C2orf76: variants seen among roughly 807,000 people sequenced by gnomAD.
C2orf76 encodes the protein chromosome 2 open reading frame 76.
A neutral mutation model predicts 16.9 loss-of-function variants in C2orf76; 23 were observed. That is an observed-to-expected ratio of 1.36 (90% CI 0.98 to 1.93). The LOEUF (loss-of-function observed/expected upper bound fraction) is 1.93, where lower values mean the gene tolerates loss of function less well. C2orf76 is among the 30% of genes most tolerant of loss of function. C2orf76 has a pLI of 0.00. For missense variants in C2orf76, 152 were observed against 152.6 expected, an observed-to-expected ratio of 1.00 and a Z score of 0.02; for synonymous variants, 48 against 52.3, an observed-to-expected ratio of 0.92 and a Z score of 0.35.
chr2:119,291,912 C>T, the C2orf76 span, among the ~76,000 whole-genome samples: 4,091 of 152,146 alleles, frequency 0.027, 192 homozygotes, highest in African/African-American at 0.092. Context: ...TCAGTGTTAT[C>T]ATCCCCACTT....
the C2orf76 span, among the ~76,000 whole-genome samples, chr2:119,288,459 C>A: frequency 2.6e-5 from 4 of 152,112 alleles, 1 homozygote; most frequent in Admixed American, 2.6e-4. Context: ...AGAGAGCAAG[C>A]AAGCAGATTT....
At chr2:119,361,733 G>A (rs1201096238) in intron 1 of C2orf76, among the ~76,000 whole-genome samples, 3 of 152,028 alleles carry the variant, frequency 2.0e-5, no homozygotes, top group Non-Finnish European at 4.4e-5. Flanking sequence ...ACATATATAG[G>A]GTTCAGGCCT....
intron 5 of C2orf76, chr2:119,311,206 G>A (rs1017980353): frequency 9.7e-5 from 96 of 985,210 alleles, no homozygotes; most frequent in Non-Finnish European, 1.1e-4. Context: ...TGAGTGATTC[G>A]GAAGACTATC....
the C2orf76 span, among the ~76,000 whole-genome samples, chr2:119,286,224 C>CA: frequency 0.026 from 1,542 of 59,602 alleles, 38 homozygotes; most frequent in Non-Finnish European, 0.036. Context: ...GACTCCATCT[C>CA]AAAAAAAAAA....
At chr2:119,351,649 G>A (rs1680410093) in intron 1 of C2orf76, among the ~76,000 whole-genome samples, 2 of 152,122 alleles carry the variant, frequency 1.3e-5, no homozygotes, top group Admixed American at 6.5e-5. Context: ...AGCTACTCAG[G>A]AGGCTGAGGT....
chr2:119,309,842 CT>C (rs1227080530), intron 5 of C2orf76, among the ~76,000 whole-genome samples: 1 of 152,154 alleles, frequency 6.6e-6, no homozygotes, highest in African/African-American at 2.4e-5. Context: ...ACTTCTCCCC[CT>C]TTATGGCTTC....
the C2orf76 span, among the ~76,000 whole-genome samples, chr2:119,294,730 G>A: frequency 6.6e-6 from 1 of 152,250 alleles, no homozygotes; most frequent in Non-Finnish European, 1.5e-5. Context: ...GCAGCGTGAG[G>A]ACCTGACTGC....
At chr2:119,323,938 G>A (rs1176950440) in intron 2 of C2orf76, among the ~76,000 whole-genome samples, 2 of 152,184 alleles carry the variant, frequency 1.3e-5, no homozygotes, top group African/African-American at 2.4e-5. Context: ...CTGGAGGCAG[G>A]ATTTGCCTGC....
chr2:119,292,190 T>G, the C2orf76 span, among the ~76,000 whole-genome samples: 1 of 152,142 alleles, frequency 6.6e-6, no homozygotes, highest in Non-Finnish European at 1.5e-5. Flanking sequence ...ACAAGCAACT[T>G]TGCTTTAAGG....
chr2:119,338,105 C>G (rs980241170), intron 2 of C2orf76, among the ~76,000 whole-genome samples: 6 of 152,206 alleles, frequency 3.9e-5, no homozygotes, highest in Non-Finnish European at 7.3e-5. Context: ...AATGACCTTT[C>G]AAAAGCAGGA....
rs1679964696 is a variant in C2orf76 at position 119,339,750 on chromosome 2, T to A, written c.133+77A>T. The A allele has an allele frequency of 3.5e-6, 5 of 1,422,570 alleles. No individual in the cohort carries two copies. The South Asian group carries it at 5.2e-5, about 15-fold the overall frequency. 88.1% of individuals were successfully genotyped at this position (1,422,570 alleles called of 1,614,324 possible). On this transcript the variant is annotated intron_variant, in intron 2 of 5. Coordinates refer to ENST00000334816, the MANE Select transcript of C2orf76 (RefSeq NM_001322331.2). ...TCTTTCAAAGTACTTTAGGATTTGT[T>A]AAAGATTATTATTAATGTCATAGTC...
intron 3 of C2orf76, among the ~76,000 whole-genome samples, chr2:119,320,464 C>A (rs1258081946): frequency 6.6e-6 from 1 of 152,050 alleles, no homozygotes; most frequent in Non-Finnish European, 1.5e-5. Flanking sequence ...GCTTCACTAC[C>A]CCTTATAACC....
intron 1 of C2orf76, among the ~76,000 whole-genome samples, chr2:119,360,634 T>G (rs1395362679): frequency 6.6e-6 from 1 of 152,202 alleles, no homozygotes; most frequent in Non-Finnish European, 1.5e-5. Flanking sequence ...TCATTTTATG[T>G]CAGTGGTCTG....
intron 1 of C2orf76, among the ~76,000 whole-genome samples, chr2:119,358,574 T>C (rs1680645901): frequency 9.0e-6 from 1 of 110,650 alleles, no homozygotes; most frequent in Non-Finnish European, 1.8e-5. Context: ...GGAGACTCTG[T>C]CTCAAAAAAA....
intron 1 of C2orf76, among the ~76,000 whole-genome samples, chr2:119,354,070 C>A (rs1222720552): frequency 1.3e-5 from 2 of 152,096 alleles, no homozygotes; most frequent in Non-Finnish European, 2.9e-5. Context: ...CACTAAATAC[C>A]CTGATTTGCT....
chr2:119,341,055 A>G (rs957826228), intron 1 of C2orf76, among the ~76,000 whole-genome samples: 23 of 152,176 alleles, frequency 1.5e-4, no homozygotes, highest in African/African-American at 5.6e-4. Flanking sequence ...GGGACGACAG[A>G]GCAGTGACTC....
intron 5 of C2orf76, among the ~76,000 whole-genome samples, chr2:119,309,398 C>CTTTTTTTTTTTTTTTTTTTTT (rs1193022536): frequency 2.0e-4 from 14 of 71,384 alleles, no homozygotes; most frequent in Non-Finnish European, 3.1e-4. Flanking sequence ...TTCTCTTTTT[C>CTTTTTTTTTTTTTTTTTTTTT]TTTTTTTTTT....
At chr2:119,305,686 G>A (rs1372366877) in intron 5 of C2orf76, among the ~76,000 whole-genome samples, 1 of 151,940 alleles carries the variant, frequency 6.6e-6, no homozygotes, top group Non-Finnish European at 1.5e-5. Context: ...GAGACCAAAA[G>A]GACAAAGTTT....
At chr2:119,326,249 G>A (rs1264185826) in intron 2 of C2orf76, among the ~76,000 whole-genome samples, 3 of 152,022 alleles carry the variant, frequency 2.0e-5, no homozygotes, top group Admixed American at 1.3e-4. Flanking sequence ...AGTTATTTTT[G>A]TATATGGTAG....
Sources: allele counts gnomAD v4.1 joint callset (sites outside exome capture counted in the v4.1 genomes callset), GRCh38; gene constraint gnomAD v4.1.1; transcripts MANE v1.5; gene names NCBI Gene and HGNC (gene_info 2026-07-23, HGNC 2026-07-21).